Variants in ZFC3H1 observed in about 807,000 individuals in gnomAD.
The protein encoded by ZFC3H1 is zinc finger C3H1-type containing.
A neutral mutation model predicts 243.7 loss-of-function variants in ZFC3H1; 71 were observed. The ratio of observed to expected loss-of-function variants is 0.29; its 90% CI spans 0.24 to 0.36. The LOEUF (loss-of-function observed/expected upper bound fraction) is 0.36. Among genes scored for constraint, ZFC3H1 ranks in the 10% least tolerant of loss-of-function variants. The probability of loss-of-function intolerance (pLI) is 1.00; values close to 1 mark genes in which losing one functional copy is unlikely to be tolerated. For missense variants in ZFC3H1, 1,966 were observed against 2,317.1 expected (o/e 0.85, Z 3.11); for synonymous variants, 838 against 813.0 (o/e 1.03, Z -0.52).
intron 32 of ZFC3H1, 114 bp downstream of exon 32, chr12:71,611,672 A>AT (rs1392449400): frequency 5.7e-4 from 101 of 177,602 alleles, no homozygotes; most frequent in Admixed American, 2.7e-3. Flanking sequence ...AAAAAAAAAA[A>AT]AAAAATATAT....
Position 71,623,460 on chromosome 12 carries a change from A to G in ZFC3H1, c.4644T>C (p.Asp1548=), listed in dbSNP as rs779009328. The G allele has an allele frequency of 2.5e-5, 40 of 1,613,722 alleles. No individual in the cohort carries two copies. Among genetic ancestry groups the G allele is most frequent in the Non-Finnish European group, 3.3e-5 (39 of 1,179,864 alleles). Reference sequence around the variant, plus strand: ...CAGTGTTAACAATTCTTGAAGGATTATCATTAGATGGATCATAAAATTTTG... The same window carrying G: ...CAGTGTTAACAATTCTTGAAGGATTGTCATTAGATGGATCATAAAATTTTG... ...LPSKFYDPSN[D]NPSRIVNTES... The change falls in exon 24 of 35, where the codon GAT becomes GAC. Residue 1548 remains aspartate (D), a synonymous_variant. Coordinates refer to ENST00000378743, the MANE Select transcript of ZFC3H1 (RefSeq NM_144982.5).
chr12:71,636,447 C>A (rs765877196), intron 9 of ZFC3H1, 43 bp downstream of exon 9: 19 of 1,553,168 alleles, frequency 1.2e-5, no homozygotes, highest in Non-Finnish European at 1.6e-5. Flanking sequence ...AGAAATTTAT[C>A]ATAACTGTTT....
intron 9 of ZFC3H1, 139 bp downstream of exon 9, chr12:71,636,351 A>G (rs1592594294): frequency 3.5e-6 from 2 of 575,406 alleles, no homozygotes; most frequent in Non-Finnish European, 5.2e-6. Context: ...AATTAAAAAT[A>G]AATTTTAAAA....
chr12:71,614,142 G>A (rs1879839530), intron 30 of ZFC3H1, among the ~76,000 whole-genome samples: 1 of 152,122 alleles, frequency 6.6e-6, no homozygotes, highest in East Asian at 1.9e-4. Flanking sequence ...CAATGTATAA[G>A]TCCATTCTTA....
chr12:71,629,799 T>G, intron 18 of ZFC3H1, 89 bp from the exon 19 acceptor site: 3 of 803,060 alleles, frequency 3.7e-6, no homozygotes, highest in Non-Finnish European at 6.1e-6. Context: ...AGTTTAAGAA[T>G]TAAAGGCGAT....
chr12:71,656,012 A>G (rs1009708456), intron 2 of ZFC3H1, among the ~76,000 whole-genome samples: 1 of 152,212 alleles, frequency 6.6e-6, no homozygotes, highest in African/African-American at 2.4e-5. Context: ...ATTATGCTCA[A>G]TGAAAGAAGC....
Position 71,659,414 on chromosome 12 carries a change from G to A in ZFC3H1, c.599-2113C>T, listed in dbSNP as rs545504996. On this transcript the variant is annotated intron_variant, in intron 1 of 34. Transcript: ENST00000378743. ...AATTTTTGCATAGCTTTGTGTCTAA[G>A]TTTGTCTGTTCTTCAACTTAACCCC... is the stretch of plus-strand genomic sequence containing the variant. 3.9e-4 allele frequency among the ~76,000 whole-genome samples: 59 copies of A among 152,146 alleles called. 1 individual carries two copies. Among genetic ancestry groups the A allele is most frequent in the African/African-American group, 1.1e-3 (47 of 41,512 alleles).
intron 1 of ZFC3H1, 108 bp from the exon 2 acceptor site, chr12:71,657,409 A>T: frequency 1.2e-6 from 1 of 865,604 alleles, no homozygotes; most frequent in East Asian, 2.8e-5. Context: ...TTTTCAAGAA[A>T]AATGAATCGA....
chr12:71,618,200 G>A (rs1879936293), intron 27 of ZFC3H1, among the ~76,000 whole-genome samples: 1 of 151,866 alleles, frequency 6.6e-6, no homozygotes, highest in Non-Finnish European at 1.5e-5. Context: ...GGGAGACGGA[G>A]GTTGCAATGA....
In ZFC3H1 at chr12:71,663,416, T is replaced by G; in HGVS notation, c.195A>C (p.Gly65=). 1 of 1,611,864 alleles carries G rather than the reference T, an allele frequency of 6.2e-7. No homozygotes were observed. The highest frequency in any genetic ancestry group is 8.5e-7 in the Non-Finnish European group (1 of 1,180,008). The change falls in exon 1 of 35, where the codon GGA becomes GGC. Residue 65 remains glycine, a synonymous_variant. Transcript: ENST00000378743. ...RRPPHSARGG[G]SGGGGGSSSS... Reference sequence around the variant, plus strand: ...AGGAAGAGCCACCGCCTCCGCCAGATCCACCGCCCCGGGCCGAGTGAGGAG... The same window carrying G: ...AGGAAGAGCCACCGCCTCCGCCAGAGCCACCGCCCCGGGCCGAGTGAGGAG...
In ZFC3H1 at chr12:71,626,326, C is replaced by T; in HGVS notation, c.4251G>A (p.Lys1417=). Reference sequence around the variant, plus strand: ...TTTCACACATTTCCTGCACCTCGTCCTTGGTTCCTCTTTTTGAGAACAATC... The same window carrying T: ...TTTCACACATTTCCTGCACCTCGTCTTTGGTTCCTCTTTTTGAGAACAATC... ...YLRLFSKRGT[K]DEVQEMCETA... The change falls in exon 22 of 35, where the codon AAG becomes AAA. Residue 1417 remains lysine (K), a synonymous_variant. Coordinates refer to ENST00000378743, the MANE Select transcript of ZFC3H1 (RefSeq NM_144982.5). 6.2e-7 allele frequency: 1 copy of T among 1,614,002 alleles called. No homozygotes were observed.
At chr12:71,651,365 T>A (rs1880882371) in intron 2 of ZFC3H1, among the ~76,000 whole-genome samples, 1 of 152,212 alleles carries the variant, frequency 6.6e-6, no homozygotes, top group South Asian at 2.1e-4. Context: ...AACCCTTTCC[T>A]ACCTACCCTG....
In ZFC3H1 at chr12:71,663,310, G is replaced by A. The variant is rs1881240341; in HGVS notation, c.301C>T (p.Pro101Ser). 3.1e-6 allele frequency: 5 copies of A among 1,613,224 alleles called. No homozygotes were observed. Among genetic ancestry groups the A allele is most frequent in the African/African-American group, 2.7e-5 (2 of 74,934 alleles). Residue 101 changes from proline to serine, a missense_variant, in exon 1 of 35, where the codon CCC becomes TCC. Physicochemically the swap from Pro to Ser is moderately conservative, Grantham distance 74. Coordinates refer to ENST00000378743, the MANE Select transcript of ZFC3H1 (RefSeq NM_144982.5). The part of the protein sequence containing the change: ...HASERGHLRG[P>S]SSYRPKEPFR... ...GGTTCTTTGGGTCGGTAGCTGCTGG[G>A]TCCCCTGAGGTGGCCCCGCTCAGAC...
intron 3 of ZFC3H1, among the ~76,000 whole-genome samples, chr12:71,646,388 T>C (rs1260628394): frequency 6.6e-6 from 1 of 151,876 alleles, no homozygotes; most frequent in Non-Finnish European, 1.5e-5. Context: ...TATCTGAATT[T>C]AAATCAACCA....
intron 2 of ZFC3H1, among the ~76,000 whole-genome samples, chr12:71,651,195 T>C (rs1880874874): frequency 6.6e-6 from 1 of 152,226 alleles, no homozygotes. Context: ...AACCACACTT[T>C]GAAAATCACT....
rs772413996 is a variant in ZFC3H1 at position 71,629,571 on chromosome 12, AC to A, written c.3826+37del. 4.1e-6 allele frequency: 5 copies of A among 1,218,394 alleles called. No homozygotes were observed. The Admixed American group carries it at 8.6e-5, about 21-fold the overall frequency. 75.5% of individuals were successfully genotyped at this position (1,218,394 alleles called of 1,614,324 possible). A position where few individuals can be genotyped will look rare whatever the true frequency, so the allele number is the denominator to read the frequency against. Reference sequence around the variant, plus strand: ...AGAGATACAGTACACACACACACACACACACACACACACACACACACTTATA... The same window carrying A: ...AGAGATACAGTACACACACACACACAACACACACACACACACACACTTATA... On this transcript the variant is annotated intron_variant, in intron 19 of 34. Transcript: ENST00000378743.
rs1490162107 is a variant in ZFC3H1, at chr12:71,663,621, G to A, written c.-11C>T. 2.5e-6 allele frequency: 4 copies of A among 1,604,786 alleles called. No homozygotes were observed. The highest frequency in any genetic ancestry group is 2.7e-5 in the African/African-American group (2 of 74,912). ...ATCTGCGGTCGCCATCCGGGGAGCA[G>A]CGCCTTCCACACAACCTTAGCCCTC... On this transcript the variant is annotated 5_prime_UTR_variant, in exon 1 of 35. Coordinates refer to ENST00000378743, the MANE Select transcript of ZFC3H1 (RefSeq NM_144982.5).
At chr12:71,628,001 C>T (rs1447679011) in intron 20 of ZFC3H1, 67 bp from the exon 21 acceptor site, 6 of 1,447,996 alleles carry the variant, frequency 4.1e-6, no homozygotes, top group Non-Finnish European at 5.6e-6. Flanking sequence ...AAAAAGAAAA[C>T]AATTGGTCTC....
At chr12:71,656,764 G>C in intron 2 of ZFC3H1, 121 bp downstream of exon 2, 1 of 1,031,538 alleles carries the variant, frequency 9.7e-7, no homozygotes, top group Non-Finnish European at 1.4e-6. Flanking sequence ...TGTCTACATA[G>C]AAAGTACAAA....
Sources: allele counts gnomAD v4.1 joint callset (sites outside exome capture counted in the v4.1 genomes callset), GRCh38; gene constraint gnomAD v4.1.1; transcripts MANE v1.5; gene names NCBI Gene and HGNC (gene_info 2026-07-23, HGNC 2026-07-21).